The following PWWP2A variants were observed in gnomAD, a reference collection of about 807,000 sequenced individuals.
PWWP2A encodes the protein PWWP domain-containing protein 2A.
In PWWP2A, 18 loss-of-function variants were observed where a neutral mutation model predicts 48.5. The observed-to-expected ratio is 0.37, with a 90% CI of 0.26 to 0.55. The LOEUF is 0.55. PWWP2A is among the 20% of genes least tolerant of loss of function. PWWP2A has a pLI of 0.81. For missense variants in PWWP2A, 867 were observed against 976.4 expected (o/e 0.89, Z 1.49); for synonymous variants, 396 against 387.7 (o/e 1.02, Z -0.25).
chr5:160,055,376 C>CT, the PWWP2A span, among the ~76,000 whole-genome samples: 3 of 152,234 alleles, frequency 2.0e-5, no homozygotes, highest in African/African-American at 4.8e-5. Flanking sequence ...TTCACATTGT[C>CT]TAACGGGGAA....
chr5:160,068,275 ATATTCT>A (rs1753662972), intron 2 of PWWP2A, among the ~76,000 whole-genome samples: 1 of 152,224 alleles, frequency 6.6e-6, no homozygotes, highest in Admixed American at 6.5e-5. Context: ...GACGTTGTAC[ATATTCT>A]TATTCCGACA....
At chr5:160,074,863 C>T (rs1393696441), downstream of PWWP2A, among the ~76,000 whole-genome samples, 1 of 152,040 alleles carries the variant, frequency 6.6e-6, no homozygotes, top group Non-Finnish European at 1.5e-5. Flanking sequence ...CTTTGGGAGG[C>T]CGAGGCAGGA....
At position 160,119,068 on chromosome 5, in the gene PWWP2A, A is replaced by G. The variant is rs950441605; in HGVS notation, c.321T>C (p.Pro107=). The G allele has an allele frequency of 1.3e-6, 2 of 1,589,732 alleles. No individual in the cohort carries two copies. The highest frequency in any genetic ancestry group is 3.4e-5 in the Admixed American group (2 of 59,234). ...AAGGTGGAAGTTCCGGCCCTCCCTG[A>G]GGCGCGGCTGCCGCCGACTCCGCCA... is the stretch of plus-strand genomic sequence containing the variant. ...VRVAESAAAA[P]QGGPELPPSP... Residue 107 remains proline (P), a synonymous_variant, in exon 1 of 2, where the codon CCT becomes CCC. Coordinates refer to ENST00000307063, the MANE Select transcript of PWWP2A (RefSeq NM_001130864.2).
downstream of PWWP2A, among the ~76,000 whole-genome samples, chr5:160,086,554 T>A (rs1004977294): frequency 7.2e-5 from 11 of 152,092 alleles, no homozygotes; most frequent in Admixed American, 3.3e-4. Flanking sequence ...ACATTTTTTT[T>A]AATTCACCTT....
At chr5:160,090,577 A>C (rs1419474851), downstream of PWWP2A, 1 of 984,494 alleles carries the variant, frequency 1.0e-6, no homozygotes, top group Non-Finnish European at 1.2e-6. Flanking sequence ...ATAATCAAAA[A>C]GCATTGAGTG....
Position 160,093,631 on chromosome 5 carries a change from C to T in PWWP2A, c.1019G>A (p.Ser340Asn). ...VAEKKEIRKGSSATDSSKYED... is the reference protein window; with the variant it reads ...VAEKKEIRKGNSATDSSKYED... Reference sequence around the variant, plus strand: ...ATATTTAGAAGAGTCAGTTGCACTACTACCTTTTCTAATTTCCTTTTTTTC... The same window carrying T: ...ATATTTAGAAGAGTCAGTTGCACTATTACCTTTTCTAATTTCCTTTTTTTC... The change falls in exon 2 of 2, where the codon AGT becomes AAT. Residue 340 changes from serine (S) to asparagine (N), a missense_variant. Coordinates refer to ENST00000307063, the MANE Select transcript of PWWP2A (RefSeq NM_001130864.2). The surrounding 1 kb of genome is among the most constrained non-coding windows in gnomAD (Gnocchi z 5.8). 1 of 1,614,026 alleles carries T rather than the reference C, an allele frequency of 6.2e-7. No homozygotes were observed. The highest frequency in any genetic ancestry group is 1.1e-5 in the South Asian group (1 of 91,088).
chr5:160,097,709 G>T (rs112612008), intron 1 of PWWP2A, among the ~76,000 whole-genome samples: 4 of 146,992 alleles, frequency 2.7e-5, no homozygotes, highest in East Asian at 2.0e-4. Context: ...TTTTTTTTGG[G>T]GGGGGGGGCG....
At chr5:160,100,659 A>T (rs879739120) in intron 1 of PWWP2A, among the ~76,000 whole-genome samples, 20 of 152,206 alleles carry the variant, frequency 1.3e-4, no homozygotes, top group Non-Finnish European at 2.8e-4. Flanking sequence ...TTTTGAGCCA[A>T]TGATTTTAGA....
At chr5:160,052,098 C>T in the PWWP2A span, among the ~76,000 whole-genome samples, 5 of 152,200 alleles carry the variant, frequency 3.3e-5, no homozygotes, top group African/African-American at 7.2e-5. Flanking sequence ...TGGCCCCTGC[C>T]GGGTAGACTC....
intron 2 of PWWP2A, chr5:160,067,006 C>T (rs886970642): frequency 6.6e-6 from 1 of 152,052 alleles, no homozygotes; most frequent in African/African-American, 2.4e-5. Flanking sequence ...CACTGCTGCT[C>T]TTCATCCTGG....
chr5:160,088,317 C>A (rs1329267205), downstream of PWWP2A, among the ~76,000 whole-genome samples: 1 of 152,140 alleles, frequency 6.6e-6, no homozygotes, highest in African/African-American at 2.4e-5. Context: ...TCTCCTGACT[C>A]AGCCTCTCGA....
chr5:160,111,947 C>T (rs559124533), intron 1 of PWWP2A, among the ~76,000 whole-genome samples: 1 of 151,592 alleles, frequency 6.6e-6, no homozygotes, highest in Admixed American at 6.6e-5. Flanking sequence ...GGCAACAAAG[C>T]GAAACCCTGT....
intron 2 of PWWP2A, among the ~76,000 whole-genome samples, chr5:160,070,775 C>T (rs548597397): frequency 5.3e-5 from 8 of 152,358 alleles, no homozygotes; most frequent in South Asian, 2.1e-4. Context: ...AGACCTCATA[C>T]GCTGTCCTTC....
chr5:160,119,352 C>T lies in PWWP2A; in HGVS notation c.37G>A (p.Ala13Thr). ...CCGGCGCCCCCCTCCCCGGGGGACG[C>T]TGCAGTCGCTGCCGCCTCTGCAGCC... ...AVAAEAAATAASPGEGGAGEA... is the reference protein window; with the variant it reads ...AVAAEAAATATSPGEGGAGEA... Residue 13 changes from alanine (A) to threonine (T), a missense_variant, in exon 1 of 2, where the codon GCG becomes ACG. Around this residue, in one of 4 missense-constraint regions of PWWP2A, gnomAD observed 385 missense variants for 396.9 expected, o/e 0.97. Coordinates refer to ENST00000307063, the MANE Select transcript of PWWP2A (RefSeq NM_001130864.2). 7.2e-6 allele frequency: 10 copies of T among 1,387,178 alleles called. No homozygotes were observed. The highest frequency in any genetic ancestry group is 9.3e-6 in the Non-Finnish European group (10 of 1,077,210). 85.9% of individuals were successfully genotyped at this position (1,387,178 alleles called of 1,614,324 possible).
chr5:160,106,977 C>T (rs575544594), intron 1 of PWWP2A, among the ~76,000 whole-genome samples: 29 of 152,112 alleles, frequency 1.9e-4, no homozygotes, highest in South Asian at 1.9e-3. Context: ...GCACACACCA[C>T]CACGCTCAAC....
chr5:160,075,216 G>T (rs1194774543), downstream of PWWP2A, among the ~76,000 whole-genome samples: 2 of 152,036 alleles, frequency 1.3e-5, no homozygotes, highest in Non-Finnish European at 2.9e-5. Flanking sequence ...AAATTTGAGA[G>T]AAAAAAGATA....
downstream of PWWP2A, among the ~76,000 whole-genome samples, chr5:160,072,494 G>A (rs1265145024): frequency 2.0e-5 from 3 of 152,222 alleles, no homozygotes; most frequent in African/African-American, 4.8e-5. Context: ...TGCGGGGGGC[G>A]AGGTGGGAGG....
At chr5:160,059,443 T>G (rs1757637562), downstream of PWWP2A, among the ~76,000 whole-genome samples, 1 of 152,254 alleles carries the variant, frequency 6.6e-6, no homozygotes, top group South Asian at 2.1e-4. Flanking sequence ...TGGTTTGATC[T>G]TCTATCCAGA....
In PWWP2A at chr5:160,092,028, A is replaced by C. The variant is rs550182898; in HGVS notation, c.*354T>G. ...TACATACACGGATATATATATATAC[A>C]CACACACACACGTATATATATGTAT... On this transcript the variant is annotated 3_prime_UTR_variant, in exon 2 of 2. Transcript: ENST00000307063. 9.5e-5 allele frequency: 41 copies of C among 430,490 alleles called. 7 individuals are homozygous for C. The highest frequency in any genetic ancestry group is 1.2e-4 in the Non-Finnish European group (41 of 338,760). The allele number at this position is 430,490 out of a possible 1,614,324, so 26.7% of individuals were successfully genotyped here. A position where few individuals can be genotyped will look rare whatever the true frequency, so the allele number is the denominator to read the frequency against.
Sources: gnomAD v4.1 joint callset for allele counts (sites outside exome capture counted in the v4.1 genomes callset) on GRCh38, gnomAD v4.1.1 for gene constraint, gnomAD v4.1.1 regional missense constraint, Gnocchi (gnomAD v3.1) non-coding constraint, MANE v1.5 for transcripts, NCBI Gene and HGNC (gene_info 2026-07-23, HGNC 2026-07-21) for gene names.